Variants in MZT2B observed in about 807,000 individuals in gnomAD.
MZT2B encodes the protein mitotic spindle organizing protein 2B.
Under a neutral mutation model 12.1 loss-of-function variants are expected in MZT2B, and 11 were observed. The ratio of observed to expected loss-of-function variants is 0.91; its 90% CI spans 0.57 to 1.50. The LOEUF is 1.50. MZT2B is among the 40% of genes most tolerant of loss of function. The pLI, the probability that MZT2B is intolerant of heterozygous loss-of-function variation, is 0.00. For synonymous variants in MZT2B, 85 were observed against 109.5 expected (o/e 0.78, Z 1.40); for missense variants, 209 against 227.7 (o/e 0.92, Z 0.53).
At chr2:130,195,298 T>C (rs1296025049), downstream of MZT2B, 4 of 1,565,334 alleles carry the variant, frequency 2.6e-6, no homozygotes, top group South Asian at 2.4e-5. Flanking sequence ...ATTCCAGGAG[T>C]GTTCACTTCT....
chr2:130,200,363 C>T, the MZT2B span, among the ~76,000 whole-genome samples: 46 of 151,468 alleles, frequency 3.0e-4, no homozygotes, highest in African/African-American at 1.1e-3. Flanking sequence ...TGCACTCCAG[C>T]CTGGGCAACA....
the MZT2B span, among the ~76,000 whole-genome samples, chr2:130,199,960 G>C: frequency 1.3e-5 from 2 of 152,010 alleles, no homozygotes; most frequent in African/African-American, 2.4e-5. Flanking sequence ...GCCAGGTATG[G>C]TGGTGAGCAC....
chr2:130,193,372 G>GC (rs1690316943), downstream of MZT2B, among the ~76,000 whole-genome samples: 1 of 152,042 alleles, frequency 6.6e-6, no homozygotes, highest in Admixed American at 6.6e-5. Context: ...ACTTTGGGAG[G>GC]CTGAGGCAGG....
chr2:130,184,817 T>C, intron 2 of MZT2B: 3 of 985,288 alleles, frequency 3.0e-6, no homozygotes, highest in Non-Finnish European at 3.6e-6. Flanking sequence ...GGGCAGAGGG[T>C]GTGGCAGGGA....
chr2:130,186,874 C>G (rs958936736), intron 2 of MZT2B, among the ~76,000 whole-genome samples: 2 of 151,030 alleles, frequency 1.3e-5, no homozygotes, highest in African/African-American at 4.9e-5. Flanking sequence ...CCACTGCACT[C>G]CAGCCTGGGT....
intron 2 of MZT2B, chr2:130,188,082 C>G (rs1042589882): frequency 6.7e-6 from 1 of 149,880 alleles, no homozygotes; most frequent in Non-Finnish European, 1.5e-5. Context: ...AAAAAAAAAG[C>G]ATTATTTGCT....
At chr2:130,181,752 C>T (rs372838290), upstream of MZT2B, 873 of 1,548,328 alleles carry the variant, frequency 5.6e-4, 8 homozygotes, top group South Asian at 9.9e-3. Flanking sequence ...AGGGAGTGGT[C>T]CTTAGCTGAA....
upstream of MZT2B, chr2:130,181,853 GC>G (rs375200672): frequency 1.7e-3 from 2,578 of 1,526,736 alleles, 5 homozygotes; most frequent in African/African-American, 6.2e-3. Context: ...GTTGATTAGT[GC>G]CCCCCCCTTC....
intron 1 of MZT2B, 87 bp downstream of exon 1, chr2:130,182,539 A>C (rs1689770722): frequency 7.1e-6 from 11 of 1,553,182 alleles, no homozygotes; most frequent in Non-Finnish European, 2.6e-6. Context: ...GGTCGGGAGG[A>C]GCCCCCGCCC....
At chr2:130,192,375 C>T (rs1690285404), downstream of MZT2B, among the ~76,000 whole-genome samples, 2 of 152,112 alleles carry the variant, frequency 1.3e-5, no homozygotes, top group African/African-American at 4.8e-5. Flanking sequence ...GTCCTAGTAC[C>T]TGTGACATGT....
chr2:130,197,986 GCCCCAAC>G, the MZT2B span, among the ~76,000 whole-genome samples: 6 of 123,370 alleles, frequency 4.9e-5, no homozygotes, highest in African/African-American at 1.7e-4. Context: ...AATGTCCACA[GCCCCAAC>G]CCCCGTCACC....
At position 130,185,975 on chromosome 2, in the gene MZT2B, G is replaced by C. The variant is rs533209670; in HGVS notation, c.319+3200G>C. The stretch of plus-strand genomic sequence containing the variant: ...GAGTGGAACCTGAGGAGGAGGTGGA[G>C]GGGAATGGGGCAGATGTGGGGCCAC... On this transcript the variant is annotated intron_variant, in intron 2 of 2. Coordinates refer to ENST00000281871, the MANE Select transcript of MZT2B (RefSeq NM_025029.5). 1.8e-4 allele frequency among the ~76,000 whole-genome samples: 28 copies of C among 152,238 alleles called. No homozygotes were observed. In the East Asian group the frequency reaches 5.4e-3, roughly 29 times the overall value.
At chr2:130,181,746 A>C (rs1200684827), upstream of MZT2B, 1 of 1,547,846 alleles carries the variant, frequency 6.5e-7, no homozygotes, top group Non-Finnish European at 8.7e-7. Context: ...CGGGGGAGGG[A>C]GTGGTCCTTA....
intron 2 of MZT2B, chr2:130,183,859 C>T (rs1689930230): frequency 4.5e-6 from 7 of 1,550,622 alleles, no homozygotes; most frequent in East Asian, 2.4e-5. Context: ...CCGCAGCCTG[C>T]GGCCTCTCCG....
At chr2:130,185,243 G>C (rs1264418558) in intron 2 of MZT2B, among the ~76,000 whole-genome samples, 1 of 150,436 alleles carries the variant, frequency 6.6e-6, no homozygotes, top group African/African-American at 2.4e-5. Context: ...CTTGGGAGGT[G>C]GAGCTTACAG....
the MZT2B span, among the ~76,000 whole-genome samples, chr2:130,198,698 C>T: frequency 1.5e-4 from 18 of 121,864 alleles, 4 homozygotes; most frequent in Middle Eastern, 3.8e-3. Flanking sequence ...CTCTGTGGGT[C>T]GCGGAACATT....
At chr2:130,191,050 C>T (rs1486632950), downstream of MZT2B, among the ~76,000 whole-genome samples, 17 of 152,160 alleles carry the variant, frequency 1.1e-4, no homozygotes, top group Non-Finnish European at 2.2e-4. Flanking sequence ...CCTGGGTTCA[C>T]GCCATTCTCC....
chr2:130,181,741 G>C, upstream of MZT2B: 2 of 1,548,628 alleles, frequency 1.3e-6, no homozygotes, highest in Non-Finnish European at 8.7e-7. Context: ...GAGTGCGGGG[G>C]AGGGAGTGGT....
At chr2:130,183,723 C>T (rs1028903973) in intron 2 of MZT2B, 5 of 1,550,318 alleles carry the variant, frequency 3.2e-6, no homozygotes, top group African/African-American at 1.4e-5. Flanking sequence ...CGGGCACCTG[C>T]GTGCTGGCCT....
Sources: allele counts gnomAD v4.1 joint callset (sites outside exome capture counted in the v4.1 genomes callset), GRCh38; gene constraint gnomAD v4.1.1; transcripts MANE v1.5; gene names NCBI Gene and HGNC (gene_info 2026-07-23, HGNC 2026-07-21).